Variants in PRKN observed in about 807,000 individuals in gnomAD.
PRKN encodes parkin RBR E3 ubiquitin protein ligase.
Under a neutral mutation model 59.5 loss-of-function variants are expected in PRKN, and 56 were observed. That is an observed-to-expected ratio of 0.94 (90% CI 0.76 to 1.18). The LOEUF (loss-of-function observed/expected upper bound fraction) is 1.18, where lower values mean the gene tolerates loss of function less well. Ranked by LOEUF, PRKN falls within the 50% of genes most tolerant of loss-of-function variation. The probability of loss-of-function intolerance (pLI) is 0.00; values close to 1 mark genes in which losing one functional copy is unlikely to be tolerated. For synonymous variants in PRKN, 250 were observed against 222.1 expected (o/e 1.13, Z -1.12); for missense variants, 657 against 596.4 (o/e 1.10, Z -1.06).
intron 6 of PRKN, among the ~76,000 whole-genome samples, chr6:161,869,699 G>T (rs1046823836): frequency 6.6e-6 from 1 of 152,118 alleles, no homozygotes; most frequent in Non-Finnish European, 1.5e-5. Flanking sequence ...TAATCACCAA[G>T]CCTTGTGGAT....
At position 161,734,409 on chromosome 6, in the gene PRKN, C is replaced by A. The variant is rs79888830; in HGVS notation, c.871+51363G>T. On this transcript the variant is annotated intron_variant, in intron 7 of 11. Transcript: ENST00000366898. ...TGTTCATCAAACACAGTGAGAATTTCTGTTTTCATACTGAGATTAGTATTG... is the reference window on the plus strand; with the variant it reads ...TGTTCATCAAACACAGTGAGAATTTATGTTTTCATACTGAGATTAGTATTG... Among the ~76,000 whole-genome samples the A allele has an allele frequency of 6.7e-3, 1,026 of 152,268 alleles. 16 individuals are homozygous for A. The highest frequency in any genetic ancestry group is 0.023 in the African/African-American group (968 of 41,544).
chr6:161,512,782 C>T (rs1778443489), intron 9 of PRKN, among the ~76,000 whole-genome samples: 1 of 152,188 alleles, frequency 6.6e-6, no homozygotes. Flanking sequence ...GTCCTCCTGG[C>T]CTCCCTGGTG....
In PRKN at chr6:161,393,121, C is replaced by T. The variant is rs1244915937; in HGVS notation, c.1084-6244G>A. ...CTTTGCTTGAGCTTTTTTGCATCTA[C>T]AAAGAAGAAATAATAAGATAAAGAA... On this transcript the variant is annotated intron_variant, in intron 9 of 11. Coordinates refer to ENST00000366898, the MANE Select transcript of PRKN (RefSeq NM_004562.3). The surrounding 1 kb of genome is among the most constrained non-coding windows in gnomAD (Gnocchi z 4.7). Among the ~76,000 whole-genome samples the T allele has an allele frequency of 1.3e-5, 2 of 151,924 alleles. No homozygotes were observed. Among genetic ancestry groups the T allele is most frequent in the Non-Finnish European group, 2.9e-5 (2 of 67,998 alleles).
Position 161,440,079 on chromosome 6 carries a change from T to C in PRKN, c.1084-53202A>G, listed in dbSNP as rs1375316330. 1.3e-5 allele frequency among the ~76,000 whole-genome samples: 2 copies of C among 151,708 alleles called. No individual in the cohort carries two copies. The highest frequency in any genetic ancestry group is 2.9e-5 in the Non-Finnish European group (2 of 67,942). ...TACTCTCCTGCCTCAGCCTCCTGAG[T>C]AGCTGGGACTACAGGCGCCCACCAC... On this transcript the variant is annotated intron_variant, in intron 9 of 11. Transcript: ENST00000366898. This position sits in a 1 kb window ranked among gnomAD's most constrained non-coding sequence, Gnocchi z 4.1.
chr6:161,925,112 T>G (rs914197419), intron 6 of PRKN, among the ~76,000 whole-genome samples: 3 of 152,220 alleles, frequency 2.0e-5, no homozygotes, highest in African/African-American at 2.4e-5. Context: ...CTTTACAGGC[T>G]TATGAATGAA....
intron 1 of PRKN, among the ~76,000 whole-genome samples, chr6:162,545,508 A>G (rs1266999312): frequency 2.6e-5 from 4 of 152,082 alleles, no homozygotes; most frequent in Non-Finnish European, 5.9e-5. Flanking sequence ...GCTACATATA[A>G]TTTGCCCAAT....
intron 1 of PRKN, among the ~76,000 whole-genome samples, chr6:162,454,865 G>A (rs556902252): frequency 5.8e-4 from 89 of 152,306 alleles, no homozygotes; most frequent in African/African-American, 2.1e-3. Flanking sequence ...CTGGGAACGG[G>A]GAGCCTCTTT....
chr6:161,678,258 C>T (rs1050554375), intron 7 of PRKN, among the ~76,000 whole-genome samples: 1 of 101,690 alleles, frequency 9.8e-6, no homozygotes, highest in Admixed American at 1.3e-4. Flanking sequence ...TGGTGAACCA[C>T]AGGCCCATAA....
intron 9 of PRKN, among the ~76,000 whole-genome samples, chr6:161,479,229 T>G (rs1458568661): frequency 6.6e-6 from 1 of 152,214 alleles, no homozygotes; most frequent in Non-Finnish European, 1.5e-5. Flanking sequence ...ATTATCACTA[T>G]ATTTAGTACG....
chr6:162,605,792 T>C lies in PRKN; in HGVS notation c.7+121870A>G, dbSNP rs978646395. ...CATATCACGTGGCCTTGTACAAACATTTTACAATGTCTAGTGTACAAATTT... is the reference window on the plus strand; with the variant it reads ...CATATCACGTGGCCTTGTACAAACACTTTACAATGTCTAGTGTACAAATTT... On this transcript the variant is annotated intron_variant, in intron 1 of 11. Transcript: ENST00000366898. Among the ~76,000 whole-genome samples, 15 of 152,286 alleles carry C rather than the reference T, an allele frequency of 9.8e-5. No individual in the cohort carries two copies. The East Asian group carries it at 1.2e-3, about 12-fold the overall frequency.
chr6:162,297,677 T>C (rs1454329693), intron 2 of PRKN, among the ~76,000 whole-genome samples: 1 of 152,126 alleles, frequency 6.6e-6, no homozygotes, highest in Admixed American at 6.6e-5. Flanking sequence ...AATATTCTTA[T>C]TATTAAGTTC....
chr6:162,272,167 A>G (rs2128103547), intron 2 of PRKN, among the ~76,000 whole-genome samples: 1 of 152,298 alleles, frequency 6.6e-6, no homozygotes, highest in African/African-American at 2.4e-5. Flanking sequence ...CAGCAACTGC[A>G]GTAAGTGATT....
intron 7 of PRKN, among the ~76,000 whole-genome samples, chr6:161,650,668 G>A (rs139319146): frequency 2.0e-5 from 3 of 152,108 alleles, no homozygotes; most frequent in African/African-American, 4.8e-5. Context: ...TTTGTAATAC[G>A]GCCAATGAGG....
rs565843447 is a variant in PRKN at position 162,512,335 on chromosome 6, A to G, written c.8-68862T>C. On this transcript the variant is annotated intron_variant, in intron 1 of 11. Coordinates refer to ENST00000366898, the MANE Select transcript of PRKN (RefSeq NM_004562.3). ...TATACCTTTACTCACAAAAGGGGGGAAAACATTTTAGCATGAAGATTGCTT... is the reference window on the plus strand; with the variant it reads ...TATACCTTTACTCACAAAAGGGGGGGAAACATTTTAGCATGAAGATTGCTT... 1.6e-4 allele frequency among the ~76,000 whole-genome samples: 24 copies of G among 152,296 alleles called. No homozygotes were observed. The South Asian group carries it at 3.7e-3, about 24-fold the overall frequency.
At chr6:162,419,023 A>G (rs1788812980) in intron 2 of PRKN, among the ~76,000 whole-genome samples, 1 of 151,866 alleles carries the variant, frequency 6.6e-6, no homozygotes, top group Non-Finnish European at 1.5e-5. Context: ...ACCAGAGACA[A>G]AGCCCATTCC....
intron 2 of PRKN, among the ~76,000 whole-genome samples, chr6:162,429,880 T>C (rs1583559703): frequency 6.6e-6 from 1 of 152,320 alleles, no homozygotes; most frequent in East Asian, 1.9e-4. Flanking sequence ...CCTCTGCGTT[T>C]GACCCGGCTC....
intron 9 of PRKN, among the ~76,000 whole-genome samples, chr6:161,420,200 G>A (rs1316019917): frequency 4.8e-5 from 7 of 147,156 alleles, no homozygotes; most frequent in African/African-American, 7.7e-5. Flanking sequence ...ATCATGCGCC[G>A]CTGCACTCCA....
At position 162,528,339 on chromosome 6, in the gene PRKN, T is replaced by A. The variant is rs771771903; in HGVS notation, c.8-84866A>T. Among the ~76,000 whole-genome samples the A allele has an allele frequency of 2.4e-3, 357 of 151,288 alleles. 1 individual carries two copies. The highest frequency in any genetic ancestry group is 3.9e-3 in the Non-Finnish European group (265 of 67,770). On this transcript the variant is annotated intron_variant, in intron 1 of 11. Coordinates refer to ENST00000366898, the MANE Select transcript of PRKN (RefSeq NM_004562.3). ...GTCTCAAAAGAAAAAAAAAAAAATTTACTCAGATAAACCAAACAGGAAGTA... is the reference window on the plus strand; with the variant it reads ...GTCTCAAAAGAAAAAAAAAAAAATTAACTCAGATAAACCAAACAGGAAGTA...
intron 1 of PRKN, among the ~76,000 whole-genome samples, chr6:162,697,393 C>A (rs1392283333): frequency 6.6e-6 from 1 of 152,058 alleles, no homozygotes. Context: ...CTTCCTAGCC[C>A]TGTAGCCTCA....
Sources: gnomAD v4.1 joint callset for allele counts (sites outside exome capture counted in the v4.1 genomes callset) on GRCh38, gnomAD v4.1.1 for gene constraint, Gnocchi (gnomAD v3.1) non-coding constraint, MANE v1.5 for transcripts, NCBI Gene and HGNC (gene_info 2026-07-23, HGNC 2026-07-21) for gene names.